Variants in WDR33 observed in about 807,000 individuals in gnomAD.
The protein encoded by WDR33 is WD repeat domain 33, also known as pre-mRNA 3' end processing protein WDR33.
WDR33 carries 47 observed loss-of-function variants against 164.9 expected under a neutral mutation model. That is an observed-to-expected ratio of 0.29 (90% confidence interval 0.23 to 0.36). The LOEUF (loss-of-function observed/expected upper bound fraction) is 0.36. WDR33 is among the 10% of genes least tolerant of loss of function. The pLI, the probability that WDR33 is intolerant of heterozygous loss-of-function variation, is 1.00. For synonymous variants in WDR33, 505 were observed against 589.0 expected, an observed-to-expected ratio of 0.86 and a Z score of 2.06; for missense variants, 1,137 against 1,754.1, an observed-to-expected ratio of 0.65 and a Z score of 6.28.
intron 1 of WDR33, among the ~76,000 whole-genome samples, chr2:127,796,558 A>G (rs1022424219): frequency 6.6e-6 from 1 of 152,002 alleles, no homozygotes; most frequent in African/African-American, 2.4e-5. Flanking sequence ...TGACTCTACA[A>G]AAAAATCATT....
intron 1 of WDR33, among the ~76,000 whole-genome samples, chr2:127,781,987 A>T (rs1242470774): frequency 6.8e-6 from 1 of 146,162 alleles, no homozygotes; most frequent in Non-Finnish European, 1.5e-5. Context: ...AAGAAGAGCG[A>T]AACTCTTTTT....
intron 1 of WDR33, among the ~76,000 whole-genome samples, chr2:127,800,586 G>A (rs915726247): frequency 1.4e-5 from 2 of 144,648 alleles, no homozygotes; most frequent in African/African-American, 2.6e-5. Flanking sequence ...GCAGTGAGCT[G>A]AGATCGCATC....
In WDR33 at chr2:127,721,737, G is replaced by A. The variant is rs1686443147; in HGVS notation, c.1671+99C>T. 1 of 1,291,872 alleles carries A rather than the reference G, an allele frequency of 7.7e-7. No individual in the cohort carries two copies. The highest frequency in any genetic ancestry group is 1.0e-6 in the Non-Finnish European group (1 of 954,240). The allele number at this position is 1,291,872 out of a possible 1,614,324, so 80.0% of individuals were successfully genotyped here. A position where few individuals can be genotyped will look rare whatever the true frequency, so the allele number is the denominator to read the frequency against. On this transcript the variant is annotated intron_variant, in intron 15 of 21. Transcript: ENST00000322313. This position sits in a 1 kb window ranked among gnomAD's most constrained non-coding sequence, Gnocchi z 4.9. ...GAAATGGCGGTGTTTGTCAGACCAT[G>A]GGAGAGCCCCTTCCCTTTTCCTTAA...
chr2:127,752,729 C>CA lies in WDR33; in HGVS notation c.724+10332dup, dbSNP rs1235349513. 1.5e-4 allele frequency among the ~76,000 whole-genome samples: 22 copies of CA among 151,482 alleles called. 1 individual carries two copies. On this transcript the variant is annotated intron_variant, in intron 7 of 21. Coordinates refer to ENST00000322313, the MANE Select transcript of WDR33 (RefSeq NM_018383.5). ...GTTGATATGGTATTTCATCAATCCA[C>CA]AAAACATTTCTGAAGAAATAAGATA...
chr2:127,734,521 G>A (rs970014499), intron 7 of WDR33, among the ~76,000 whole-genome samples: 1 of 152,190 alleles, frequency 6.6e-6, no homozygotes, highest in African/African-American at 2.4e-5. Flanking sequence ...CAAACAGGAA[G>A]TAAACGATTT....
At position 127,763,258 on chromosome 2, in the gene WDR33, T is replaced by C. The variant is rs1436746779; in HGVS notation, c.627-99A>G. 1 of 1,573,418 alleles carries C rather than the reference T, an allele frequency of 6.4e-7. No homozygotes were observed. Among genetic ancestry groups the C allele is most frequent in the Non-Finnish European group, 8.6e-7 (1 of 1,158,572 alleles). Reference sequence around the variant, plus strand: ...AAAATAAAAACACTGTGCTGCATTATAAACAGGAGAGGGAAGAATCCAGTG... The same window carrying C: ...AAAATAAAAACACTGTGCTGCATTACAAACAGGAGAGGGAAGAATCCAGTG... On this transcript the variant is annotated intron_variant, in intron 6 of 21. Coordinates refer to ENST00000322313, the MANE Select transcript of WDR33 (RefSeq NM_018383.5). This position sits in a 1 kb window ranked among gnomAD's most constrained non-coding sequence, Gnocchi z 4.5.
In WDR33 at chr2:127,706,238, A is replaced by C; in HGVS notation, c.*85T>G. The stretch of plus-strand genomic sequence containing the variant: ...AAAGAGTTCAGGGCTACAATGGTGC[A>C]GGCTTCCTTTTGTTTCTCTTGGTGA... On this transcript the variant is annotated 3_prime_UTR_variant, in exon 22 of 22. Transcript: ENST00000322313. The surrounding 1 kb of genome is among the most constrained non-coding windows in gnomAD (Gnocchi z 5.1). 1 of 1,280,386 alleles carries C rather than the reference A, an allele frequency of 7.8e-7. No homozygotes were observed. The highest frequency in any genetic ancestry group is 1.7e-5 in the South Asian group (1 of 58,312). The allele number at this position is 1,280,386 out of a possible 1,614,324, so 79.3% of individuals were successfully genotyped here. A position where few individuals can be genotyped will look rare whatever the true frequency, so the allele number is the denominator to read the frequency against.
In WDR33 at chr2:127,731,719, A is replaced by G. The variant is rs144583161; in HGVS notation, c.725-4942T>C. Among the ~76,000 whole-genome samples the G allele has an allele frequency of 5.6e-3, 860 of 152,328 alleles. 13 individuals carry two copies. Among genetic ancestry groups the G allele is most frequent in the African/African-American group, 0.019 (804 of 41,576 alleles). On this transcript the variant is annotated intron_variant, in intron 7 of 21. Transcript: ENST00000322313. ...GGGGTTTTGGAAATGTTCTATATCT[A>G]GATTAGAATGTATTTATTTGTCAAA...
At chr2:127,752,596 C>CAAAAAAA (rs34369142) in intron 7 of WDR33, among the ~76,000 whole-genome samples, 21 of 76,530 alleles carry the variant, frequency 2.7e-4, no homozygotes, top group Non-Finnish European at 4.7e-4. Flanking sequence ...GACTCCGTCT[C>CAAAAAAA]AAAAAAAAAA....
At position 127,795,050 on chromosome 2, in the gene WDR33, T is replaced by C. The variant is rs898314594; in HGVS notation, c.-24+15962A>G. Among the ~76,000 whole-genome samples the C allele has an allele frequency of 7.3e-5, 11 of 151,136 alleles. 1 individual carries two copies. Among genetic ancestry groups the C allele is most frequent in the African/African-American group, 2.4e-4 (10 of 41,028 alleles). Reference sequence around the variant, plus strand: ...TGCATGCTACTAATCTGTAGGTTGATGGTGAACATGGAATCTGTACAAGGG... The same window carrying C: ...TGCATGCTACTAATCTGTAGGTTGACGGTGAACATGGAATCTGTACAAGGG... On this transcript the variant is annotated intron_variant, in intron 1 of 21. Transcript: ENST00000322313.
intron 7 of WDR33, 99 bp downstream of exon 7, chr2:127,762,963 T>C (rs1036924122): frequency 3.4e-5 from 53 of 1,558,590 alleles, no homozygotes; most frequent in Admixed American, 2.2e-4. Context: ...GTAAAAAAAA[T>C]TGAATGGAGG....
chr2:127,729,146 G>A (rs929711257), intron 7 of WDR33, among the ~76,000 whole-genome samples: 5 of 152,164 alleles, frequency 3.3e-5, no homozygotes, highest in African/African-American at 9.7e-5. Flanking sequence ...TTAATAAAAC[G>A]AATACTAGCA....
chr2:127,708,942 G>A lies in WDR33; in HGVS notation c.3566-50C>T, dbSNP rs1479342330. 6.7e-7 allele frequency: 1 copy of A among 1,485,478 alleles called. No homozygotes were observed. The highest frequency in any genetic ancestry group is 9.0e-7 in the Non-Finnish European group (1 of 1,111,308). The allele number at this position is 1,485,478 out of a possible 1,614,324, so 92.0% of individuals were successfully genotyped here. A position where few individuals can be genotyped will look rare whatever the true frequency, so the allele number is the denominator to read the frequency against. The stretch of plus-strand genomic sequence containing the variant: ...ACAGGAAAGCACAGTGTGACCAGAA[G>A]TAGATGGGAATGACACTGTGAGAGT... On this transcript the variant is annotated intron_variant, in intron 20 of 21. Coordinates refer to ENST00000322313, the MANE Select transcript of WDR33 (RefSeq NM_018383.5). This position sits in a 1 kb window ranked among gnomAD's most constrained non-coding sequence, Gnocchi z 6.7.
rs1168929249 is a variant in WDR33 at position 127,701,470 on chromosome 2, T to C, written c.*4853A>G. On this transcript the variant is annotated 3_prime_UTR_variant, in exon 22 of 22. Coordinates refer to ENST00000322313, the MANE Select transcript of WDR33 (RefSeq NM_018383.5). ...AATTGCCGCCCGAAGACCGAACCGC[T>C]TCAGCGGAGGGCCGGAAGTGAGCCG... is the stretch of plus-strand genomic sequence containing the variant. The C allele has an allele frequency of 2.4e-6, 3 of 1,242,928 alleles. No homozygotes were observed. The highest frequency in any genetic ancestry group is 3.1e-5 in the African/African-American group (2 of 63,984). 77.0% of individuals were successfully genotyped at this position (1,242,928 alleles called of 1,614,324 possible).
rs1287918901 is a variant in WDR33, at chr2:127,706,107, T to G, written c.*216A>C. 7 of 403,978 alleles carry G rather than the reference T, an allele frequency of 1.7e-5. No individual in the cohort carries two copies. Among genetic ancestry groups the G allele is most frequent in the Non-Finnish European group, 2.6e-5 (6 of 230,130 alleles). The allele number at this position is 403,978 out of a possible 1,614,324, so 25.0% of individuals were successfully genotyped here. On this transcript the variant is annotated 3_prime_UTR_variant, in exon 22 of 22. Coordinates refer to ENST00000322313, the MANE Select transcript of WDR33 (RefSeq NM_018383.5). The surrounding 1 kb of genome is among the most constrained non-coding windows in gnomAD (Gnocchi z 5.1). ...TATCTTCACAAAACAACATGGGAGT[T>G]GGGGCAATGAGGGTGGACAGGACAG...
chr2:127,720,392 G>C lies in WDR33; in HGVS notation c.1672-39C>G. ...AAGAAAAAAGCATGTTGAATAAACA[G>C]GCCAGAGCCCTTGAAGATGACAATA... On this transcript the variant is annotated intron_variant, in intron 15 of 21. Transcript: ENST00000322313. The surrounding 1 kb of genome is among the most constrained non-coding windows in gnomAD (Gnocchi z 5.9). 1 of 1,495,250 alleles carries C rather than the reference G, an allele frequency of 6.7e-7. No homozygotes were observed. Among genetic ancestry groups the C allele is most frequent in the Non-Finnish European group, 8.9e-7 (1 of 1,124,500 alleles). The allele number at this position is 1,495,250 out of a possible 1,614,324, so 92.6% of individuals were successfully genotyped here. A position where few individuals can be genotyped will look rare whatever the true frequency, so the allele number is the denominator to read the frequency against.
chr2:127,719,222 G>C lies in WDR33; in HGVS notation c.2760+43C>G. The C allele has an allele frequency of 7.2e-7, 1 of 1,390,280 alleles. No individual in the cohort carries two copies. The allele number at this position is 1,390,280 out of a possible 1,614,324, so 86.1% of individuals were successfully genotyped here. A position where few individuals can be genotyped will look rare whatever the true frequency, so the allele number is the denominator to read the frequency against. ...CTCAGCAGTATTACTTCTGTGCAGAGTGTATTTTCCCAATGTGCCCGTGAG... is the reference window on the plus strand; with the variant it reads ...CTCAGCAGTATTACTTCTGTGCAGACTGTATTTTCCCAATGTGCCCGTGAG... On this transcript the variant is annotated intron_variant, in intron 16 of 21. Transcript: ENST00000322313. The surrounding 1 kb of genome is among the most constrained non-coding windows in gnomAD (Gnocchi z 6.5).
At chr2:127,707,497 T>C (rs1259507225) in intron 21 of WDR33, among the ~76,000 whole-genome samples, 3 of 152,208 alleles carry the variant, frequency 2.0e-5, no homozygotes, top group Admixed American at 6.5e-5. Context: ...GGGCAGAGTG[T>C]CAGCTACTAC....
At chr2:127,740,173 A>G (rs1228335994) in intron 7 of WDR33, among the ~76,000 whole-genome samples, 1 of 152,204 alleles carries the variant, frequency 6.6e-6, no homozygotes, top group Non-Finnish European at 1.5e-5. Context: ...GATACCAATC[A>G]CTTCCTTTTT....
Sources: allele counts gnomAD v4.1 joint callset (sites outside exome capture counted in the v4.1 genomes callset), GRCh38; gene constraint gnomAD v4.1.1; non-coding constraint Gnocchi (gnomAD v3.1); transcripts MANE v1.5; gene names NCBI Gene and HGNC (gene_info 2026-07-23, HGNC 2026-07-21).